The following DNAH11 variants were observed in gnomAD, a reference collection of about 807,000 sequenced individuals.
DNAH11 encodes the protein dynein axonemal heavy chain 11, also known as axonemal beta dynein heavy chain 11.
Under a neutral mutation model 526.0 loss-of-function variants are expected in DNAH11, and 442 were observed. That is an observed-to-expected ratio of 0.84 (90% CI 0.78 to 0.91). The LOEUF (loss-of-function observed/expected upper bound fraction) is 0.91, where lower values mean the gene tolerates loss of function less well. DNAH11 is among the 40% of genes least tolerant of loss of function. The probability of loss-of-function intolerance (pLI) is 0.00; values close to 1 mark genes in which losing one functional copy is unlikely to be tolerated. For missense variants in DNAH11, 6,989 were observed against 5,448.7 expected, an observed-to-expected ratio of 1.28 and a Z score of -8.90; for synonymous variants, 2,461 against 1,935.9, an observed-to-expected ratio of 1.27 and a Z score of -7.12.
intron 73 of DNAH11, among the ~76,000 whole-genome samples, 179 bp downstream of exon 73, chr7:21,869,170 G>A (rs1175173763): frequency 4.6e-5 from 7 of 152,184 alleles, no homozygotes; most frequent in Admixed American, 1.3e-4. Context: ...TGCGGACAGC[G>A]ATGGCTGTCA....
intron 65 of DNAH11, 46 bp from the exon 66 acceptor site, chr7:21,842,498 A>G (rs1284471400): frequency 2.7e-6 from 4 of 1,502,256 alleles, no homozygotes; most frequent in East Asian, 4.5e-5. Flanking sequence ...AGTATCAGTT[A>G]TGGGTCATAG....
chr7:21,835,049 C>T (rs1781940649), intron 65 of DNAH11, among the ~76,000 whole-genome samples: 1 of 151,932 alleles, frequency 6.6e-6, no homozygotes, highest in South Asian at 2.1e-4. Context: ...TATAACCTAT[C>T]AAAATTGAAT....
chr7:21,891,810 G>A (rs375496612), intron 76 of DNAH11, among the ~76,000 whole-genome samples: 3 of 152,026 alleles, frequency 2.0e-5, no homozygotes, highest in South Asian at 2.1e-4. Context: ...AGGTAGGATC[G>A]GTCTGACTCT....
At chr7:21,872,386 A>G (rs1451205010) in intron 73 of DNAH11, among the ~76,000 whole-genome samples, 1 of 152,118 alleles carries the variant, frequency 6.6e-6, no homozygotes, top group East Asian at 1.9e-4. Flanking sequence ...GGATACTTGC[A>G]TTATTATTTT....
At chr7:21,587,922 C>T (rs983533025) in intron 9 of DNAH11, 142 bp from the exon 10 acceptor site, 7 of 706,684 alleles carry the variant, frequency 9.9e-6, no homozygotes, top group Admixed American at 7.3e-5. Context: ...TGGAAAAATA[C>T]ATTTTACATT....
intron 35 of DNAH11, among the ~76,000 whole-genome samples, chr7:21,697,679 T>A (rs1175073392): frequency 6.6e-6 from 1 of 152,212 alleles, no homozygotes; most frequent in Non-Finnish European, 1.5e-5. Context: ...TCCATGGAAA[T>A]AAGCAAGTGC....
intron 36 of DNAH11, 49 bp downstream of exon 36, chr7:21,698,262 A>G (rs1345396877): frequency 1.9e-6 from 3 of 1,598,676 alleles, no homozygotes; most frequent in South Asian, 1.2e-5. Context: ...CCATTGAAAA[A>G]GCTTTTGAAG....
rs1206429804 is a variant in DNAH11 at position 21,773,754 on chromosome 7, TTG to T, written c.9103-8_9103-7del. ...GAGGATTTCACATGAACTGTAATGTTTGTGTTTTCAGCCAGTGCACAAAGACT... is the reference window on the plus strand; with the variant it reads ...GAGGATTTCACATGAACTGTAATGTTTGTTTTCAGCCAGTGCACAAAGACT... On this transcript the variant is annotated splice_polypyrimidine_tract_variant and intron_variant, in intron 55 of 81. Coordinates refer to ENST00000409508, the MANE Select transcript of DNAH11 (RefSeq NM_001277115.2). The T allele has an allele frequency of 6.7e-7, 1 of 1,495,588 alleles. No individual in the cohort carries two copies. Among genetic ancestry groups the T allele is most frequent in the Non-Finnish European group, 9.0e-7 (1 of 1,113,756 alleles). The allele number at this position is 1,495,588 out of a possible 1,614,324, so 92.6% of individuals were successfully genotyped here.
chr7:21,559,869 T>C, intron 4 of DNAH11, 77 bp downstream of exon 4: 1 of 1,209,492 alleles, frequency 8.3e-7, no homozygotes, highest in Admixed American at 2.3e-5. Flanking sequence ...GTTTTAAAGA[T>C]TTAACACACT....
In DNAH11 at chr7:21,717,762, T is replaced by A; in HGVS notation, c.6984-13T>A. On this transcript the variant is annotated splice_polypyrimidine_tract_variant and intron_variant, in intron 42 of 81. Coordinates refer to ENST00000409508, the MANE Select transcript of DNAH11 (RefSeq NM_001277115.2). ...CTAGTGTTCAATAAAAGCTTTTCTG[T>A]GTTCCTTTTCAGGTATGTGGCCAGT... 6.2e-7 allele frequency: 1 copy of A among 1,613,562 alleles called. No homozygotes were observed. Among genetic ancestry groups the A allele is most frequent in the African/African-American group, 1.3e-5 (1 of 75,018 alleles).
At chr7:21,671,200 A>G (rs963409411) in intron 30 of DNAH11, among the ~76,000 whole-genome samples, 6 of 151,978 alleles carry the variant, frequency 3.9e-5, no homozygotes, top group Non-Finnish European at 8.8e-5. Context: ...TTCTTGTGTC[A>G]GTTTTGGAAG....
intron 66 of DNAH11, among the ~76,000 whole-genome samples, chr7:21,849,873 T>A (rs1782556372): frequency 6.6e-6 from 1 of 152,208 alleles, no homozygotes; most frequent in African/African-American, 2.4e-5. Context: ...TTTTGAAGAA[T>A]TTTTAGCTAC....
Position 21,704,416 on chromosome 7 carries a change from A to G in DNAH11, c.6274-18A>G. The G allele has an allele frequency of 1.9e-6, 3 of 1,598,850 alleles. No homozygotes were observed. The highest frequency in any genetic ancestry group is 4.5e-5 in the East Asian group (2 of 44,566). On this transcript the variant is annotated intron_variant, in intron 37 of 81. Coordinates refer to ENST00000409508, the MANE Select transcript of DNAH11 (RefSeq NM_001277115.2). ...TAGACCTTGTATTGGCTTTTTTATA[A>G]AATGTTTTTTTTTCTAGGTACTCAT...
chr7:21,681,852 C>G lies in DNAH11; in HGVS notation c.5460+175C>G, dbSNP rs1208850195. ...GATTTTGGTTAGCCAATATATTATT[C>G]TGATGAGACCTATTCCAAGTGATAT... On this transcript the variant is annotated intron_variant, in intron 31 of 81. Coordinates refer to ENST00000409508, the MANE Select transcript of DNAH11 (RefSeq NM_001277115.2). The G allele has an allele frequency of 1.7e-5, 14 of 803,206 alleles. No homozygotes were observed. In the Admixed American group the frequency reaches 2.7e-4, roughly 15 times the overall value. 49.8% of individuals were successfully genotyped at this position (803,206 alleles called of 1,614,324 possible). A position where few individuals can be genotyped will look rare whatever the true frequency, so the allele number is the denominator to read the frequency against.
At chr7:21,862,175 A>AGT (rs1783090561) in intron 69 of DNAH11, among the ~76,000 whole-genome samples, 152 bp downstream of exon 69, 1 of 150,614 alleles carries the variant, frequency 6.6e-6, no homozygotes, top group Non-Finnish European at 1.5e-5. Flanking sequence ...TGCTTCCCAC[A>AGT]GGGAACTTGG....
intron 29 of DNAH11, among the ~76,000 whole-genome samples, chr7:21,657,548 A>G (rs1782068478): frequency 1.3e-5 from 2 of 152,170 alleles, no homozygotes; most frequent in Non-Finnish European, 2.9e-5. Context: ...ATGGACTGCA[A>G]AGTTCTTGAG....
intron 66 of DNAH11, among the ~76,000 whole-genome samples, chr7:21,849,830 G>A (rs1487712159): frequency 2.0e-5 from 3 of 152,086 alleles, no homozygotes; most frequent in Admixed American, 6.5e-5. Context: ...TTCTATGGGT[G>A]TCCTGGATCT....
At chr7:21,712,573 G>T (rs893935137) in intron 42 of DNAH11, among the ~76,000 whole-genome samples, 1 of 152,164 alleles carries the variant, frequency 6.6e-6, no homozygotes, top group African/African-American at 2.4e-5. Context: ...CCATGCTAAT[G>T]GGCATGAGGT....
At chr7:21,707,022 A>C (rs1361798327) in intron 39 of DNAH11, among the ~76,000 whole-genome samples, 1 of 152,204 alleles carries the variant, frequency 6.6e-6, no homozygotes, top group Non-Finnish European at 1.5e-5. Flanking sequence ...TGGACTGGAT[A>C]ACTCTGCTGT....
Sources: gnomAD v4.1 joint callset for allele counts (sites outside exome capture counted in the v4.1 genomes callset) on GRCh38, gnomAD v4.1.1 for gene constraint, MANE v1.5 for transcripts, NCBI Gene and HGNC (gene_info 2026-07-23, HGNC 2026-07-21) for gene names.